The following NKTR variants were observed in gnomAD, a reference collection of about 807,000 sequenced individuals.
NKTR encodes the protein NK-tumor recognition protein.
A neutral mutation model predicts 156.3 loss-of-function variants in NKTR; 67 were observed. The observed-to-expected ratio is 0.43, with a 90% confidence interval of 0.35 to 0.53. The LOEUF is 0.53. Among genes scored for constraint, NKTR ranks in the 20% least tolerant of loss-of-function variants. The probability of loss-of-function intolerance (pLI) is 0.01; values close to 1 mark genes in which losing one functional copy is unlikely to be tolerated. For missense variants in NKTR, 1,604 were observed against 1,730.9 expected (o/e 0.93, Z 1.30); for synonymous variants, 640 against 596.6 (o/e 1.07, Z -1.06).
chr3:42,629,367 AT>A, intron 6 of NKTR: 1 of 946,354 alleles, frequency 1.1e-6, no homozygotes, highest in Non-Finnish European at 1.3e-6. Flanking sequence ...TGACATTTTA[AT>A]TTTTTTAAAT....
chr3:42,625,321 T>C (rs1161486922), intron 6 of NKTR, among the ~76,000 whole-genome samples: 1 of 152,128 alleles, frequency 6.6e-6, no homozygotes, highest in African/African-American at 2.4e-5. Flanking sequence ...TCAGTGGTCA[T>C]TAATAATTAT....
Position 42,648,012 on chromosome 3 carries a change from G to A in NKTR, c.*2037G>A, listed in dbSNP as rs1337162160. 3.3e-5 allele frequency: 5 copies of A among 152,124 alleles called. No individual in the cohort carries two copies. Among genetic ancestry groups the A allele is most frequent in the African/African-American group, 9.7e-5 (4 of 41,426 alleles). The allele number at this position is 152,124 out of a possible 1,614,324, so 9.4% of individuals were successfully genotyped here. ...TTCTAAGTTCATTCAGGTTGTTGGC[G>A]GAATTCAGTTCTTTGCTGGCTCTCA... On this transcript the variant is annotated 3_prime_UTR_variant, in exon 17 of 17. Coordinates refer to ENST00000232978, the MANE Select transcript of NKTR (RefSeq NM_005385.4).
chr3:42,639,245 A>G lies in NKTR; in HGVS notation c.3541A>G (p.Ser1181Gly). The change falls in exon 13 of 17, where the codon AGC (serine) becomes GGC (glycine). Residue 1181 changes from serine to glycine, a missense_variant. This residue lies in a region of NKTR where 1,255 missense variants were observed against 1,243.7 expected (regional missense o/e 1.01). Coordinates refer to ENST00000232978, the MANE Select transcript of NKTR (RefSeq NM_005385.4). ...PQAEVVKQES[S>G]MSESKVLGEV... The stretch of plus-strand genomic sequence containing the variant: ...AGCAGAGGTAGTAAAACAGGAAAGC[A>G]GCATGTCCGAAAGTAAAGTGTTGGG... 6.2e-7 allele frequency: 1 copy of G among 1,614,228 alleles called. No individual in the cohort carries two copies. Among genetic ancestry groups the G allele is most frequent in the Non-Finnish European group, 8.5e-7 (1 of 1,180,028 alleles).
At chr3:42,610,393 T>C (rs1273641135) in intron 2 of NKTR, among the ~76,000 whole-genome samples, 1 of 152,258 alleles carries the variant, frequency 6.6e-6, no homozygotes, top group African/African-American at 2.4e-5. Flanking sequence ...CTGGAATTAA[T>C]GCTACAGGAG....
intron 6 of NKTR, chr3:42,627,822 T>A (rs1157070504): frequency 1.0e-6 from 1 of 985,236 alleles, no homozygotes; most frequent in Non-Finnish European, 1.2e-6. Flanking sequence ...TGGCCTTAAC[T>A]TACTGAGCAT....
intron 2 of NKTR, 44 bp from the exon 3 acceptor site, chr3:42,617,526 T>C (rs756342236): frequency 5.2e-6 from 5 of 956,442 alleles, no homozygotes; most frequent in South Asian, 1.3e-5. Flanking sequence ...AAATGTGATA[T>C]ATTTAACTTG....
At chr3:42,628,101 C>G in intron 6 of NKTR, 3 of 985,288 alleles carry the variant, frequency 3.0e-6, no homozygotes, top group Non-Finnish European at 3.6e-6. Flanking sequence ...GGTTGAGAAC[C>G]CCAGAGGGCT....
upstream of NKTR, chr3:42,600,641 T>C (rs1234894470): frequency 1.7e-5 from 3 of 172,320 alleles, no homozygotes; most frequent in East Asian, 4.8e-4. Flanking sequence ...GTCCCGACTC[T>C]CGCGGGGTTT....
At chr3:42,631,440 C>G in intron 8 of NKTR, 124 bp downstream of exon 8, 1 of 1,077,612 alleles carries the variant, frequency 9.3e-7, no homozygotes, top group African/African-American at 1.6e-5. Context: ...TGAATCATAC[C>G]CTACATGTTT....
chr3:42,620,786 G>T (rs759956742), intron 5 of NKTR: 6 of 984,918 alleles, frequency 6.1e-6, no homozygotes, highest in Non-Finnish European at 7.2e-6. Context: ...AATGCTGTAG[G>T]CCACTTTGTG....
intron 2 of NKTR, among the ~76,000 whole-genome samples, chr3:42,612,811 A>T (rs1251026826): frequency 2.6e-5 from 4 of 151,958 alleles, no homozygotes; most frequent in Non-Finnish European, 5.9e-5. Context: ...GAACGATATG[A>T]TTCTACTGCC....
In NKTR at chr3:42,633,582, A is replaced by C; in HGVS notation, c.776A>C (p.His259Pro). 7 of 1,613,516 alleles carry C rather than the reference A, an allele frequency of 4.3e-6. No homozygotes were observed. Among genetic ancestry groups the C allele is most frequent in the Non-Finnish European group, 5.9e-6 (7 of 1,179,822 alleles). ...TCAGTGACTTGGTTTGTTCTAAGTC[A>C]CTCTGAGAGGAGTGATACCAATGAA... ...RNKHAMNPKG[H>P]SERSDTNEKR... The change falls in exon 10 of 17, where the codon CAC becomes CCC. Residue 259 changes from histidine (H) to proline (P), a missense_variant and splice_region_variant. By Grantham distance (77) the His-to-Pro change is moderately conservative. Transcript: ENST00000232978.
chr3:42,635,057 TAAAAAA>T (rs58779310), intron 11 of NKTR, 158 bp from the exon 12 acceptor site: 1,198 of 285,898 alleles, frequency 4.2e-3, no homozygotes, highest in East Asian at 9.1e-3. Context: ...AGTTAAAAAC[TAAAAAA>T]AAAAAAAAAA....
chr3:42,621,708 G>A (rs1431169385), intron 6 of NKTR, among the ~76,000 whole-genome samples, 192 bp downstream of exon 6: 1 of 151,922 alleles, frequency 6.6e-6, no homozygotes, highest in African/African-American at 2.4e-5. Context: ...TGAATTGGAA[G>A]AATGGGACTT....
At chr3:42,611,665 G>A (rs909850484) in intron 2 of NKTR, among the ~76,000 whole-genome samples, 8 of 148,876 alleles carry the variant, frequency 5.4e-5, no homozygotes, top group Non-Finnish European at 7.5e-5. Context: ...CCCAGGAGGC[G>A]GAGATTGCAG....
chr3:42,611,575 T>G (rs1416591567), intron 2 of NKTR, among the ~76,000 whole-genome samples: 8 of 151,746 alleles, frequency 5.3e-5, no homozygotes, highest in Admixed American at 4.6e-4. Flanking sequence ...CTACTAAAAA[T>G]ACAAAAAATT....
chr3:42,611,621 T>C (rs917972531), intron 2 of NKTR, among the ~76,000 whole-genome samples: 1 of 151,602 alleles, frequency 6.6e-6, no homozygotes, highest in African/African-American at 2.4e-5. Flanking sequence ...TAATCCTAGC[T>C]ACTCGGGAGG....
intron 13 of NKTR, 122 bp from the exon 14 acceptor site, chr3:42,642,379 G>A: frequency 1.5e-6 from 1 of 660,870 alleles, no homozygotes; most frequent in Non-Finnish European, 2.7e-6. Context: ...TATCCACTGT[G>A]AGGAGTTTGT....
At chr3:42,643,061 G>C (rs1710030397) in intron 14 of NKTR, among the ~76,000 whole-genome samples, 1 of 152,062 alleles carries the variant, frequency 6.6e-6, no homozygotes, top group African/African-American at 2.4e-5. Context: ...TACTTACAAA[G>C]GTCCTACCTG....
Sources: gnomAD v4.1 joint callset for allele counts (sites outside exome capture counted in the v4.1 genomes callset) on GRCh38, gnomAD v4.1.1 for gene constraint, gnomAD v4.1.1 regional missense constraint, MANE v1.5 for transcripts, NCBI Gene and HGNC (gene_info 2026-07-23, HGNC 2026-07-21) for gene names.